DNAH14: variants seen among roughly 807,000 people sequenced by gnomAD.
DNAH14 encodes the protein axonemal beta dynein heavy chain 14.
Under a neutral mutation model 520.9 loss-of-function variants are expected in DNAH14, and 478 were observed. The ratio of observed to expected loss-of-function variants is 0.92; its 90% confidence interval spans 0.85 to 0.99. The LOEUF is 0.99. DNAH14 is among the 50% of genes least tolerant of loss of function. The pLI is 0.00. For missense variants in DNAH14, 4,831 were observed against 5,234.5 expected, an observed-to-expected ratio of 0.92 and a Z score of 2.38; for synonymous variants, 1,581 against 1,757.2, an observed-to-expected ratio of 0.90 and a Z score of 2.51.
At chr1:224,974,228 TA>T in intron 8 of DNAH14, 75 bp downstream of exon 8, 1 of 966,274 alleles carries the variant, frequency 1.0e-6, no homozygotes, top group Non-Finnish European at 1.4e-6. Flanking sequence ...GAAGCAGATA[TA>T]ATTTCATTTT....
chr1:225,144,303 T>C, intron 28 of DNAH14, 94 bp from the exon 29 acceptor site: 1 of 951,848 alleles, frequency 1.1e-6, no homozygotes, highest in Non-Finnish European at 1.6e-6. Context: ...TTTTAATCAA[T>C]GCTCCATTTT....
intron 75 of DNAH14, among the ~76,000 whole-genome samples, chr1:225,363,962 TG>T (rs2095523507): frequency 6.6e-6 from 1 of 152,222 alleles, no homozygotes; most frequent in Admixed American, 6.5e-5. Context: ...AATGTGAGGC[TG>T]GTTGAATCCA....
intron 52 of DNAH14, among the ~76,000 whole-genome samples, chr1:225,275,170 C>T (rs557743016): frequency 5.3e-5 from 8 of 152,294 alleles, no homozygotes; most frequent in African/African-American, 1.9e-4. Flanking sequence ...CCTCAATCTT[C>T]ATTTAGCCAT....
chr1:225,013,837 G>C (rs1004935157), intron 10 of DNAH14, among the ~76,000 whole-genome samples: 4 of 152,174 alleles, frequency 2.6e-5, no homozygotes, highest in Admixed American at 2.0e-4. Flanking sequence ...GTCGACTTCA[G>C]ACTGCTGTGC....
chr1:225,127,112 A>G (rs2077804869), intron 27 of DNAH14, among the ~76,000 whole-genome samples: 1 of 152,102 alleles, frequency 6.6e-6, no homozygotes, highest in Non-Finnish European at 1.5e-5. Context: ...TTTGCTGAGG[A>G]GAGCTTTACT....
intron 34 of DNAH14, among the ~76,000 whole-genome samples, chr1:225,155,389 T>A (rs2080926711): frequency 6.6e-6 from 1 of 152,138 alleles, no homozygotes; most frequent in South Asian, 2.1e-4. Flanking sequence ...GGGATAAAGC[T>A]ATAATTATTT....
intron 11 of DNAH14, among the ~76,000 whole-genome samples, chr1:225,030,555 A>G (rs1482757812): frequency 6.6e-6 from 1 of 151,832 alleles, no homozygotes; most frequent in East Asian, 1.9e-4. Flanking sequence ...ATTTTTGCAA[A>G]TGGTGTCAGG....
intron 4 of DNAH14, among the ~76,000 whole-genome samples, chr1:224,962,269 A>G (rs1182676623): frequency 2.6e-5 from 4 of 152,146 alleles, no homozygotes; most frequent in Admixed American, 2.6e-4. Flanking sequence ...GTTATTTTAT[A>G]TGGCAAAGGG....
intron 34 of DNAH14, among the ~76,000 whole-genome samples, chr1:225,156,732 T>TTTTTTA (rs2081081838): frequency 1.9e-5 from 2 of 105,356 alleles, no homozygotes; most frequent in South Asian, 3.7e-4. Context: ...TTTTTTTTTT[T>TTTTTTA]GAGACGGAGT....
intron 23 of DNAH14, among the ~76,000 whole-genome samples, chr1:225,106,959 T>A (rs1348595831): frequency 6.6e-6 from 1 of 152,230 alleles, no homozygotes; most frequent in Non-Finnish European, 1.5e-5. Flanking sequence ...CGCTCTGATT[T>A]TTAGAGTTTC....
rs112144323 is a variant in DNAH14, at chr1:225,043,202, G to A, written c.1768+88G>A. The A allele has an allele frequency of 0.071, 94,989 of 1,342,866 alleles. 3,697 individuals are homozygous for A. The highest frequency in any genetic ancestry group is 0.079 in the Non-Finnish European group (79,527 of 1,012,792). 83.2% of individuals were successfully genotyped at this position (1,342,866 alleles called of 1,614,324 possible). On this transcript the variant is annotated intron_variant, in intron 13 of 85. Coordinates refer to ENST00000682510, the MANE Select transcript of DNAH14 (RefSeq NM_001367479.1). The stretch of plus-strand genomic sequence containing the variant: ...CCTGGCACTCTGGGAGGCTGAGGTG[G>A]GAGGATCACTTGATGCCAGAAGTTT...
intron 42 of DNAH14, among the ~76,000 whole-genome samples, chr1:225,236,416 T>C (rs150189894): frequency 4.2e-4 from 64 of 152,318 alleles, no homozygotes; most frequent in African/African-American, 1.5e-3. Flanking sequence ...TTCTCTCACA[T>C]TGGCTGAGGA....
chr1:225,140,736 G>GAGAT, intron 27 of DNAH14, 32 bp from the exon 28 acceptor site: 1 of 1,348,242 alleles, frequency 7.4e-7, no homozygotes, highest in Non-Finnish European at 1.0e-6. Context: ...TATAGAGAGA[G>GAGAT]ATATATATAT....
chr1:224,967,316 T>C, intron 5 of DNAH14, 115 bp from the exon 6 acceptor site: 1 of 591,008 alleles, frequency 1.7e-6, no homozygotes, highest in Non-Finnish European at 2.6e-6. Context: ...ATTCTTATTT[T>C]TAATCTGTAT....
chr1:225,183,015 C>T (rs35948433), intron 36 of DNAH14, among the ~76,000 whole-genome samples: 19,438 of 152,148 alleles, frequency 0.13, 1,394 homozygotes, highest in East Asian at 0.31. Flanking sequence ...TATGCAGAGC[C>T]CATGTCACTC....
At position 225,240,823 on chromosome 1, in the gene DNAH14, G is replaced by C; in HGVS notation, c.6748+1G>C. On this transcript the variant is annotated splice_donor_variant, in intron 43 of 85. Transcript: ENST00000682510. LOFTEE classifies it high-confidence loss of function. ...TTATTTGGAAACAGTTCACAAGTAG[G>C]TAAGTTCTGTGGGAAAAATCATAAC... 6.5e-7 allele frequency: 1 copy of C among 1,538,398 alleles called. No individual in the cohort carries two copies. The highest frequency in any genetic ancestry group is 8.8e-7 in the Non-Finnish European group (1 of 1,136,628).
At chr1:225,226,097 C>A (rs545451490) in intron 41 of DNAH14, among the ~76,000 whole-genome samples, 1 of 152,188 alleles carries the variant, frequency 6.6e-6, no homozygotes, top group Non-Finnish European at 1.5e-5. Context: ...CCTTCTTATT[C>A]TCTCACTCTG....
At chr1:225,051,239 A>G (rs1354642567) in intron 16 of DNAH14, among the ~76,000 whole-genome samples, 1 of 152,208 alleles carries the variant, frequency 6.6e-6, no homozygotes, top group African/African-American at 2.4e-5. Flanking sequence ...AAATAGCCTA[A>G]TAAGCCTTTA....
At chr1:225,174,175 T>C (rs539329933) in intron 36 of DNAH14, among the ~76,000 whole-genome samples, 2 of 152,272 alleles carry the variant, frequency 1.3e-5, no homozygotes, top group South Asian at 4.1e-4. Flanking sequence ...GACGAGTCGA[T>C]GGGTACAGCA....
Sources: allele counts gnomAD v4.1 joint callset (sites outside exome capture counted in the v4.1 genomes callset), GRCh38; gene constraint gnomAD v4.1.1; transcripts MANE v1.5; gene names NCBI Gene and HGNC (gene_info 2026-07-23, HGNC 2026-07-21).